Variants in C8B observed in about 807,000 individuals in gnomAD.
C8B encodes the protein complement component C8 beta chain.
Under a neutral mutation model 64.6 loss-of-function variants are expected in C8B, and 67 were observed. The observed-to-expected ratio is 1.04, with a 90% confidence interval of 0.85 to 1.27. The LOEUF (loss-of-function observed/expected upper bound fraction) is 1.27, where lower values mean the gene tolerates loss of function less well. Ranked by LOEUF, C8B falls within the 50% of genes most tolerant of loss-of-function variation. The pLI, the probability that C8B is intolerant of heterozygous loss-of-function variation, is 0.00. For synonymous variants in C8B, 284 were observed against 257.7 expected (o/e 1.10, Z -0.98); for missense variants, 790 against 725.2 (o/e 1.09, Z -1.03).
Position 56,954,783 on chromosome 1 carries a change from A to G in C8B, c.436T>C (p.Cys146Arg). The change falls in exon 4 of 12, where the codon TGT becomes CGT. Residue 146 changes from cysteine (C) to arginine (R), a missense_variant. Transcript: ENST00000371237. ...TTTGCTTCATCTGACTGGTCTCCAC[A>G]GTCATTGTCCCCATTGCAAAGAAGT... The part of the protein sequence containing the change: ...RRLLCNGDND[C>R]GDQSDEANCR... 1 of 1,614,182 alleles carries G rather than the reference A, an allele frequency of 6.2e-7. No individual in the cohort carries two copies. Among genetic ancestry groups the G allele is most frequent in the Non-Finnish European group, 8.5e-7 (1 of 1,180,006 alleles).
chr1:56,954,617 T>G (rs1645074843), intron 4 of C8B, 69 bp downstream of exon 4: 1 of 1,591,124 alleles, frequency 6.3e-7, no homozygotes, highest in Non-Finnish European at 8.6e-7. Context: ...GTTCTCTCAT[T>G]CTCTATCCGC....
At chr1:56,944,923 G>T (rs1048013125) in intron 7 of C8B, among the ~76,000 whole-genome samples, 1 of 152,284 alleles carries the variant, frequency 6.6e-6, no homozygotes, top group East Asian at 1.9e-4. Context: ...AAGGATATTG[G>T]GTTGGAAAGC....
intron 9 of C8B, among the ~76,000 whole-genome samples, chr1:56,935,131 A>C (rs933435630): frequency 2.6e-5 from 4 of 152,182 alleles, no homozygotes; most frequent in African/African-American, 9.7e-5. Flanking sequence ...CCAGAATTCT[A>C]TTCCAAAACC....
At chr1:56,954,975 GT>G in intron 3 of C8B, 148 bp from the exon 4 acceptor site, 1 of 900,610 alleles carries the variant, frequency 1.1e-6, no homozygotes, top group Non-Finnish European at 1.8e-6. Flanking sequence ...AGATAGATTG[GT>G]TATGGCACTA....
intron 9 of C8B, among the ~76,000 whole-genome samples, chr1:56,935,404 T>A (rs374853601): frequency 6.6e-6 from 1 of 152,128 alleles, no homozygotes; most frequent in East Asian, 1.9e-4. Context: ...CCTTTTCTCT[T>A]TCTCTTTCTT....
rs545706495 is a variant in C8B, at chr1:56,946,018, T to C, written c.908A>G (p.His303Arg). Residue 303 changes from histidine (H) to arginine (R), a missense_variant, in exon 7 of 12, where the codon CAT becomes CGT. Transcript: ENST00000371237. ...GAGGCTTCTGGGTTTCAGCTTGTAA[T>C]GTGCTACTTCAAGGTCAGAGCGTGC... ...LHARSDLEVA[H>R]YKLKPRSLML... The C allele has an allele frequency of 1.5e-4, 235 of 1,614,136 alleles. 3 individuals carry two copies. In the South Asian group the frequency reaches 2.5e-3, roughly 17 times the overall value.
At position 56,945,874 on chromosome 1, in the gene C8B, C is replaced by G. The variant is rs1189637608; in HGVS notation, c.1052G>C (p.Gly351Ala). Residue 351 changes from glycine to alanine, a missense_variant, in exon 7 of 12, where the codon GGG becomes GCG. Transcript: ENST00000371237. Reference protein sequence around the residue: ...GTHYITEAVLGGIYEYTLVMN... With the variant: ...GTHYITEAVLAGIYEYTLVMN... ...AACGAGGGTGTATTCATAAATGCCC[C>G]CAAGCACAGCCTCTGTGATGTAGTG... 6.2e-7 allele frequency: 1 copy of G among 1,614,092 alleles called. No homozygotes were observed. The highest frequency in any genetic ancestry group is 1.7e-5 in the Admixed American group (1 of 60,016).
At chr1:56,950,020 C>T (rs1049377326) in intron 5 of C8B, among the ~76,000 whole-genome samples, 3 of 152,210 alleles carry the variant, frequency 2.0e-5, no homozygotes, top group Middle Eastern at 6.8e-3. Flanking sequence ...ACATTCTGGG[C>T]TGTGGGCTCA....
At chr1:56,930,337 T>G (rs1253577123) in intron 11 of C8B, among the ~76,000 whole-genome samples, 1 of 152,210 alleles carries the variant, frequency 6.6e-6, no homozygotes, top group Non-Finnish European at 1.5e-5. Flanking sequence ...ATCACTTCCA[T>G]CACAATTTAT....
rs1281969337 is a variant in C8B, at chr1:56,936,477, A to G, written c.1399-2989T>C. On this transcript the variant is annotated intron_variant, in intron 9 of 11. Coordinates refer to ENST00000371237, the MANE Select transcript of C8B (RefSeq NM_000066.4). ...TTGAGATGTTTCTTTCTTCAAAACT[A>G]TCATTCCTTACATATTAAGGATCTC... 4.2e-5 allele frequency among the ~76,000 whole-genome samples: 6 copies of G among 143,246 alleles called. No homozygotes were observed. The East Asian group carries it at 6.1e-4, about 15-fold the overall frequency. 94.0% of individuals were successfully genotyped at this position (143,246 alleles called of 152,430 possible).
chr1:56,955,258 G>A (rs1645085541), intron 3 of C8B, among the ~76,000 whole-genome samples: 1 of 152,228 alleles, frequency 6.6e-6, no homozygotes, highest in South Asian at 2.1e-4. Context: ...CTGACTCCTA[G>A]GAAGTGCTGT....
intron 9 of C8B, among the ~76,000 whole-genome samples, chr1:56,934,285 G>A (rs886126876): frequency 6.6e-6 from 1 of 152,030 alleles, no homozygotes; most frequent in African/African-American, 2.4e-5. Flanking sequence ...GGATGTAGGG[G>A]GATGGAAGGC....
At chr1:56,965,503 TAA>T (rs1220709331) in intron 1 of C8B, among the ~76,000 whole-genome samples, 1 of 151,580 alleles carries the variant, frequency 6.6e-6, no homozygotes, top group Non-Finnish European at 1.5e-5. Context: ...TCTCATTTAT[TAA>T]AATCATTTCA....
rs1434881968 is a variant in C8B, at chr1:56,943,688, T to C, written c.1234+8A>G. Reference sequence around the variant, plus strand: ...TAAGTGTGGAAGTCACAAGCCCCTGTCACTCACCTTTTATTTCATTCAGAA... The same window carrying C: ...TAAGTGTGGAAGTCACAAGCCCCTGCCACTCACCTTTTATTTCATTCAGAA... On this transcript the variant is annotated splice_region_variant and intron_variant, in intron 8 of 11. Coordinates refer to ENST00000371237, the MANE Select transcript of C8B (RefSeq NM_000066.4). 1.9e-6 allele frequency: 3 copies of C among 1,613,978 alleles called. No homozygotes were observed. Among genetic ancestry groups the C allele is most frequent in the Non-Finnish European group, 2.5e-6 (3 of 1,179,874 alleles).
chr1:56,946,164 CATCACTCTT>C, intron 6 of C8B, 103 bp from the exon 7 acceptor site: 1 of 1,350,100 alleles, frequency 7.4e-7, no homozygotes, highest in Non-Finnish European at 1.0e-6. Context: ...GGCCTGGGGT[CATCACTCTT>C]ATGATTCCTT....
chr1:56,960,320 GAATT>G (rs895569340), intron 1 of C8B, 144 bp from the exon 2 acceptor site: 50 of 701,768 alleles, frequency 7.1e-5, no homozygotes, highest in African/African-American at 1.3e-4. Context: ...ACCTATCCTG[GAATT>G]AATTAATTAA....
chr1:56,964,609 C>A (rs183688016), intron 1 of C8B, among the ~76,000 whole-genome samples: 143 of 152,346 alleles, frequency 9.4e-4, no homozygotes, highest in Non-Finnish European at 1.6e-3. Flanking sequence ...GTTCTAGAAG[C>A]CTTTCCAGGC....
rs201786363 is a variant in C8B, at chr1:56,960,195, G to A, written c.93-19C>T. On this transcript the variant is annotated intron_variant, in intron 1 of 11. Transcript: ENST00000371237. ...TTCACCTCTAAAAGTCATTATGAGAGAAGAGAGTCACGTATCAGAAGGGAA... is the reference window on the plus strand; with the variant it reads ...TTCACCTCTAAAAGTCATTATGAGAAAAGAGAGTCACGTATCAGAAGGGAA... The A allele has an allele frequency of 1.2e-6, 2 of 1,612,474 alleles. No individual in the cohort carries two copies. The highest frequency in any genetic ancestry group is 2.2e-5 in the South Asian group (2 of 91,012).
chr1:56,961,545 C>T (rs1347252089), intron 1 of C8B, among the ~76,000 whole-genome samples: 1 of 152,088 alleles, frequency 6.6e-6, no homozygotes. Flanking sequence ...TTGTCCGTTG[C>T]CCCATGCTGC....
Sources: gnomAD v4.1 joint callset for allele counts (sites outside exome capture counted in the v4.1 genomes callset) on GRCh38, gnomAD v4.1.1 for gene constraint, MANE v1.5 for transcripts, NCBI Gene and HGNC (gene_info 2026-07-23, HGNC 2026-07-21) for gene names.